The following NUP155 variants were observed in gnomAD, a reference collection of about 807,000 sequenced individuals.
NUP155 encodes the protein nucleoporin 155.
A neutral mutation model predicts 180.4 loss-of-function variants in NUP155; 71 were observed. The ratio of observed to expected loss-of-function variants is 0.39; its 90% CI spans 0.33 to 0.48. The LOEUF is 0.48. Ranked by LOEUF, NUP155 falls within the 20% of genes least tolerant of loss-of-function variation. The pLI is 0.91. For synonymous variants in NUP155, 582 were observed against 559.5 expected, an observed-to-expected ratio of 1.04 and a Z score of -0.57; for missense variants, 1,553 against 1,648.9, an observed-to-expected ratio of 0.94 and a Z score of 1.01.
At position 37,288,192 on chromosome 5, in the gene NUP155, T is replaced by G. The variant is rs1046226708; in HGVS notation, c.*3708A>C. 2.6e-5 allele frequency: 4 copies of G among 152,178 alleles called. No individual in the cohort carries two copies. Among genetic ancestry groups the G allele is most frequent in the African/African-American group, 9.6e-5 (4 of 41,452 alleles). The allele number at this position is 152,178 out of a possible 1,614,324, so 9.4% of individuals were successfully genotyped here. A position where few individuals can be genotyped will look rare whatever the true frequency, so the allele number is the denominator to read the frequency against. On this transcript the variant is annotated 3_prime_UTR_variant, in exon 35 of 35. Coordinates refer to ENST00000231498, the MANE Select transcript of NUP155 (RefSeq NM_153485.3). ...TTTAAAAGAAGACATTAATAGAAAA[T>G]GAAAAGAAATTGTGAACCCTTTCAA...
intron 1 of NUP155, 74 bp from the exon 2 acceptor site, chr5:37,364,458 CA>C: frequency 3.7e-6 from 5 of 1,366,114 alleles, no homozygotes; most frequent in Non-Finnish European, 4.2e-6. Flanking sequence ...TTGAGTGCCA[CA>C]AAAAAATTGT....
intron 1 of NUP155, among the ~76,000 whole-genome samples, chr5:37,370,190 T>A (rs1214335475): frequency 2.0e-5 from 3 of 152,076 alleles, no homozygotes. Flanking sequence ...GCCAATATGG[T>A]GAAACCCCGT....
At chr5:37,343,024 C>T (rs1196615675) in intron 9 of NUP155, among the ~76,000 whole-genome samples, 6 of 152,128 alleles carry the variant, frequency 3.9e-5, no homozygotes, top group African/African-American at 4.8e-5. Context: ...ATTGGGATTA[C>T]AGGCGTGAGC....
chr5:37,351,316 C>T lies in NUP155; in HGVS notation c.597G>A (p.Gln199=). The T allele has an allele frequency of 6.2e-7, 1 of 1,612,684 alleles. No individual in the cohort carries two copies. Among genetic ancestry groups the T allele is most frequent in the Non-Finnish European group, 8.5e-7 (1 of 1,178,852 alleles). ...GAGAATATAAAGGATCTGGAAGCAA[C>T]TGCATTCCACCAGACAAACTATCAT... ...VLNDSLSGGM[Q]LLPDPLYSLP... is the part of the protein sequence containing the mutation. The change falls in exon 6 of 35, where the codon CAG becomes CAA. Residue 199 remains glutamine (Q), a synonymous_variant. Coordinates refer to ENST00000231498, the MANE Select transcript of NUP155 (RefSeq NM_153485.3).
chr5:37,325,879 AAAT>A lies in NUP155; in HGVS notation c.2091+19_2091+21del, dbSNP rs1162535484. 3.4e-5 allele frequency: 51 copies of A among 1,516,550 alleles called. No individual in the cohort carries two copies. In the East Asian group the frequency reaches 9.0e-4, roughly 27 times the overall value. The allele number at this position is 1,516,550 out of a possible 1,614,324, so 93.9% of individuals were successfully genotyped here. On this transcript the variant is annotated intron_variant, in intron 19 of 34. Coordinates refer to ENST00000231498, the MANE Select transcript of NUP155 (RefSeq NM_153485.3). The stretch of plus-strand genomic sequence containing the variant: ...ATCAACTGGCTACACAAAAATAACA[AAAT>A]AATATTATACACACTTACTGCAGTG...
chr5:37,333,705 TAATA>T (rs947743219), intron 12 of NUP155, 72 bp from the exon 13 acceptor site: 96 of 1,080,040 alleles, frequency 8.9e-5, no homozygotes, highest in South Asian at 1.9e-4. Context: ...ACTACAGACT[TAATA>T]AAGAAGTAAA....
At chr5:37,357,655 T>C (rs995912776) in intron 4 of NUP155, among the ~76,000 whole-genome samples, 16 of 152,158 alleles carry the variant, frequency 1.1e-4, no homozygotes, top group Non-Finnish European at 1.9e-4. Context: ...TATTTCTAAT[T>C]AGAATTCAAA....
At position 37,334,883 on chromosome 5, in the gene NUP155, G is replaced by C. The variant is rs930590433; in HGVS notation, c.1348-1250C>G. Among the ~76,000 whole-genome samples, 48 of 152,064 alleles carry C rather than the reference G, an allele frequency of 3.2e-4. 1 individual carries two copies. In the South Asian group the frequency reaches 8.9e-3, roughly 28 times the overall value. Reference sequence around the variant, plus strand: ...CCTTTAAAAAGTATTTTACTGGCTCGGCGAGGTGGCTCACGCCTATAATCC... The same window carrying C: ...CCTTTAAAAAGTATTTTACTGGCTCCGCGAGGTGGCTCACGCCTATAATCC... On this transcript the variant is annotated intron_variant, in intron 12 of 34. Coordinates refer to ENST00000231498, the MANE Select transcript of NUP155 (RefSeq NM_153485.3).
At chr5:37,342,757 G>T in intron 9 of NUP155, 111 bp from the exon 10 acceptor site, 1 of 760,724 alleles carries the variant, frequency 1.3e-6, no homozygotes, top group Non-Finnish European at 2.3e-6. Context: ...TTTTTTTTGA[G>T]ATGTAGTCTC....
At position 37,308,753 on chromosome 5, in the gene NUP155, G is replaced by A. The variant is rs185611975; in HGVS notation, c.2767+376C>T. ...AAATTAGCTGGGCGTGGTGGCGTGC[G>A]CCTGTAATACCAGCTACCCGGGAGG... On this transcript the variant is annotated intron_variant, in intron 24 of 34. Coordinates refer to ENST00000231498, the MANE Select transcript of NUP155 (RefSeq NM_153485.3). Among the ~76,000 whole-genome samples the A allele has an allele frequency of 3.1e-3, 471 of 150,890 alleles. 2 individuals are homozygous for A. Among genetic ancestry groups the A allele is most frequent in the Non-Finnish European group, 4.6e-3 (312 of 67,622 alleles).
intron 29 of NUP155, 33 bp from the exon 30 acceptor site, chr5:37,301,583 T>G (rs1742865881): frequency 7.2e-6 from 9 of 1,251,434 alleles, no homozygotes; most frequent in Admixed American, 1.7e-5. Flanking sequence ...TGTCTTAATT[T>G]ATTTATGATA....
intron 9 of NUP155, among the ~76,000 whole-genome samples, chr5:37,348,119 A>T (rs933438356): frequency 5.9e-5 from 9 of 151,922 alleles, no homozygotes; most frequent in African/African-American, 2.2e-4. Context: ...GGGCAACAAG[A>T]GCGAAACTCC....
At chr5:37,307,809 C>A (rs1743254209) in intron 24 of NUP155, among the ~76,000 whole-genome samples, 1 of 151,652 alleles carries the variant, frequency 6.6e-6, no homozygotes. Flanking sequence ...GTAATCCCAG[C>A]TACTCAAAAG....
intron 22 of NUP155, 61 bp from the exon 23 acceptor site, chr5:37,310,804 A>C: frequency 7.9e-7 from 1 of 1,269,438 alleles, no homozygotes; most frequent in Non-Finnish European, 1.1e-6. Flanking sequence ...AACATAATGA[A>C]ATTATTTTAA....
intron 19 of NUP155, among the ~76,000 whole-genome samples, chr5:37,325,550 C>T (rs1383278931): frequency 6.6e-6 from 1 of 152,014 alleles, no homozygotes; most frequent in Admixed American, 6.6e-5. Context: ...AGGTGGTTTG[C>T]TTGAGTCTAG....
intron 20 of NUP155, among the ~76,000 whole-genome samples, chr5:37,322,990 T>C (rs1164112962): frequency 1.3e-5 from 2 of 149,548 alleles, no homozygotes; most frequent in African/African-American, 4.9e-5. Flanking sequence ...AAAACCCAAA[T>C]GTCCACTCTT....
rs755780227 is a variant in NUP155, at chr5:37,329,236, C to T, written c.1767G>A (p.Pro589=). 2.0e-5 allele frequency: 32 copies of T among 1,613,760 alleles called. No individual in the cohort carries two copies. Among genetic ancestry groups the T allele is most frequent in the Middle Eastern group, 1.6e-4 (1 of 6,082 alleles). The part of the protein sequence containing the change: ...EAQMRFPTTL[P]PPSNVGPILG... ...AGATGGGACCAACATTACTTGGAGGCGGAAGAGTGGTTGGAAATCTCATCT... is the reference window on the plus strand; with the variant it reads ...AGATGGGACCAACATTACTTGGAGGTGGAAGAGTGGTTGGAAATCTCATCT... Residue 589 remains proline, a synonymous_variant, in exon 16 of 35, where the codon CCG becomes CCA. Transcript: ENST00000231498.
In NUP155 at chr5:37,363,852, A is replaced by T. The variant is rs1434657906; in HGVS notation, c.392+36T>A. The stretch of plus-strand genomic sequence containing the variant: ...CTACAGTAAAGTTTATATAAATTCC[A>T]ATCACCCTTAAAGCAAACCAGCCTT... On this transcript the variant is annotated intron_variant, in intron 3 of 34. Transcript: ENST00000231498. 2.9e-6 allele frequency: 4 copies of T among 1,359,314 alleles called. No homozygotes were observed. The East Asian group carries it at 9.2e-5, about 31-fold the overall frequency. 84.2% of individuals were successfully genotyped at this position (1,359,314 alleles called of 1,614,324 possible).
chr5:37,343,848 G>A (rs572620812), intron 9 of NUP155, among the ~76,000 whole-genome samples: 3 of 152,124 alleles, frequency 2.0e-5, no homozygotes, highest in Non-Finnish European at 2.9e-5. Context: ...CTGAGATCAC[G>A]TCACTGCAGT....
Sources: allele counts gnomAD v4.1 joint callset (sites outside exome capture counted in the v4.1 genomes callset), GRCh38; gene constraint gnomAD v4.1.1; transcripts MANE v1.5; gene names NCBI Gene and HGNC (gene_info 2026-07-23, HGNC 2026-07-21).